The following MOSMO variants were observed in gnomAD, a reference collection of about 807,000 sequenced individuals.
MOSMO encodes modulator of smoothened protein.
A neutral mutation model predicts 18.4 loss-of-function variants in MOSMO; 5 were observed. The observed-to-expected ratio is 0.27, with a 90% confidence interval of 0.14 to 0.57. MOSMO has a LOEUF of 0.57. MOSMO is among the 20% of genes least tolerant of loss of function. The pLI is 0.92. For synonymous variants in MOSMO, 82 were observed against 82.3 expected, an observed-to-expected ratio of 1.00 and a Z score of 0.02; for missense variants, 138 against 211.8, an observed-to-expected ratio of 0.65 and a Z score of 2.16.
rs968358594 is a variant in MOSMO, at chr16:22,083,853, A to G, written c.*2973A>G. ...ATTTATTAAAAGCAAACATTTCAGT[A>G]TGATTCTTTCCAAAGGTAATCCATG... On this transcript the variant is annotated 3_prime_UTR_variant, in exon 3 of 3. Transcript: ENST00000542527. 1 of 355,260 alleles carries G rather than the reference A, an allele frequency of 2.8e-6. No homozygotes were observed. Among genetic ancestry groups the G allele is most frequent in the Non-Finnish European group, 5.4e-6 (1 of 184,810 alleles). The allele number at this position is 355,260 out of a possible 1,614,324, so 22.0% of individuals were successfully genotyped here.
intron 1 of MOSMO, among the ~76,000 whole-genome samples, chr16:22,028,880 AT>A (rs1490259234): frequency 6.6e-6 from 1 of 151,838 alleles, no homozygotes; most frequent in Non-Finnish European, 1.5e-5. Flanking sequence ...TTGTTTGTTT[AT>A]TTATTTTGAG....
chr16:22,011,304 C>G (rs994864237), intron 1 of MOSMO, among the ~76,000 whole-genome samples: 13 of 152,106 alleles, frequency 8.5e-5, no homozygotes, highest in African/African-American at 2.9e-4. Context: ...GTAAAAGCCT[C>G]ATATACAATA....
Position 22,037,132 on chromosome 16 carries a change from T to C in MOSMO, c.106+28725T>C, listed in dbSNP as rs150944652. On this transcript the variant is annotated intron_variant, in intron 1 of 2. Transcript: ENST00000542527. ...ACTCAAGAGGAAAACCAGCCAGGCATGTTGGCTCGTGCCTATAGTCCTAGC... is the reference window on the plus strand; with the variant it reads ...ACTCAAGAGGAAAACCAGCCAGGCACGTTGGCTCGTGCCTATAGTCCTAGC... Among the ~76,000 whole-genome samples, 486 of 152,250 alleles carry C rather than the reference T, an allele frequency of 3.2e-3. 2 individuals are homozygous for C. The highest frequency in any genetic ancestry group is 0.01 in the African/African-American group (433 of 41,552).
intron 1 of MOSMO, 50 bp downstream of exon 1, chr16:22,008,457 C>A: frequency 2.5e-6 from 3 of 1,201,194 alleles, no homozygotes; most frequent in South Asian, 1.6e-5. Context: ...GAGGGCGACG[C>A]GAGAGAGGGG....
chr16:22,049,086 T>C (rs989648361), intron 1 of MOSMO, among the ~76,000 whole-genome samples: 5 of 152,202 alleles, frequency 3.3e-5, no homozygotes, highest in Non-Finnish European at 5.9e-5. Flanking sequence ...GAAATACATA[T>C]AGAAATTTAT....
intron 1 of MOSMO, among the ~76,000 whole-genome samples, chr16:22,044,515 C>G (rs574820915): frequency 1.3e-5 from 2 of 152,236 alleles, no homozygotes; most frequent in South Asian, 4.1e-4. Context: ...AAAGGAAATG[C>G]TCACTGAAGC....
At chr16:22,025,866 T>G (rs1899864956) in intron 1 of MOSMO, among the ~76,000 whole-genome samples, 1 of 152,146 alleles carries the variant, frequency 6.6e-6, no homozygotes, top group Admixed American at 6.5e-5. Flanking sequence ...TTCTGATGAG[T>G]CCTGTTTTAA....
At chr16:22,077,159 T>C (rs927309620) in intron 2 of MOSMO, among the ~76,000 whole-genome samples, 1 of 152,186 alleles carries the variant, frequency 6.6e-6, no homozygotes, top group Non-Finnish European at 1.5e-5. Context: ...AGTTTCTGGA[T>C]TTAGTTGAAA....
intron 1 of MOSMO, among the ~76,000 whole-genome samples, chr16:22,016,773 C>A (rs980032118): frequency 5.9e-5 from 9 of 152,260 alleles, no homozygotes; most frequent in Admixed American, 5.2e-4. Flanking sequence ...AAAATTATAT[C>A]ATTCAGACCT....
chr16:22,052,899 T>A (rs1210259809), intron 1 of MOSMO, among the ~76,000 whole-genome samples: 3 of 151,322 alleles, frequency 2.0e-5, no homozygotes, highest in Non-Finnish European at 4.4e-5. Flanking sequence ...AAAACGAGAT[T>A]AGAGAGGGCA....
At chr16:22,034,299 T>C (rs1295227567) in intron 1 of MOSMO, among the ~76,000 whole-genome samples, 1 of 152,270 alleles carries the variant, frequency 6.6e-6, no homozygotes, top group East Asian at 1.9e-4. Context: ...ATTCCTTCTG[T>C]AATGTGCTTT....
chr16:22,035,276 G>A (rs1014587472), intron 1 of MOSMO, among the ~76,000 whole-genome samples: 30 of 152,146 alleles, frequency 2.0e-4, no homozygotes, highest in African/African-American at 6.8e-4. Flanking sequence ...CTGGAGTTGG[G>A]TATTCAGTTC....
At chr16:22,010,232 C>T (rs1382848216) in intron 1 of MOSMO, among the ~76,000 whole-genome samples, 3 of 152,128 alleles carry the variant, frequency 2.0e-5, no homozygotes, top group African/African-American at 7.2e-5. Context: ...TTTTCTTGCC[C>T]ATAGAGTTTT....
chr16:22,086,952 T>C (rs1901193636), downstream of MOSMO: 1 of 152,318 alleles, frequency 6.6e-6, no homozygotes, highest in South Asian at 2.1e-4. Flanking sequence ...TTCAGTGAAC[T>C]TCCTCCTGAA....
intron 1 of MOSMO, among the ~76,000 whole-genome samples, chr16:22,074,584 GA>G (rs1900926661): frequency 6.6e-6 from 1 of 152,154 alleles, no homozygotes; most frequent in South Asian, 2.1e-4. Context: ...TCTTATTGGG[GA>G]AGAAGATCAA....
chr16:22,035,766 A>G (rs1462683103), intron 1 of MOSMO, among the ~76,000 whole-genome samples: 1 of 152,194 alleles, frequency 6.6e-6, no homozygotes, highest in Non-Finnish European at 1.5e-5. Flanking sequence ...GAGGATGACA[A>G]CTTGTAACCT....
intron 2 of MOSMO, among the ~76,000 whole-genome samples, chr16:22,079,851 T>C (rs1395111050): frequency 6.6e-6 from 1 of 152,218 alleles, no homozygotes; most frequent in East Asian, 1.9e-4. Context: ...TGGCACAATC[T>C]TGGCTCACTA....
rs754371044 is a variant in MOSMO, at chr16:22,052,924, A to AAAGTAAT, written c.107-22561_107-22555dup. ...TAGAGAGGGCACATGGGGGATTCAAAAAGTAATAGTAATATTCTCTCATCT... is the reference window on the plus strand; with the variant it reads ...TAGAGAGGGCACATGGGGGATTCAAAAAGTAATAAGTAATAGTAATATTCTCTCATCT... On this transcript the variant is annotated intron_variant, in intron 1 of 2. Transcript: ENST00000542527. Among the ~76,000 whole-genome samples, 7 of 152,004 alleles carry AAAGTAAT rather than the reference A, an allele frequency of 4.6e-5. 1 individual carries two copies. The Middle Eastern group carries it at 0.01, about 223-fold the overall frequency.
chr16:22,088,035 C>CT (rs1031880168), downstream of MOSMO, among the ~76,000 whole-genome samples: 106 of 146,332 alleles, frequency 7.2e-4, no homozygotes, highest in South Asian at 1.5e-3. Flanking sequence ...CCTGCCACTG[C>CT]TTTTTTTTTT....
Sources: allele counts gnomAD v4.1 joint callset (sites outside exome capture counted in the v4.1 genomes callset), GRCh38; gene constraint gnomAD v4.1.1; transcripts MANE v1.5; gene names NCBI Gene and HGNC (gene_info 2026-07-23, HGNC 2026-07-21).